FRMD5: variants seen among roughly 807,000 people sequenced by gnomAD.
The protein encoded by FRMD5 is FERM domain containing 5, also known as FERM domain-containing protein 5.
FRMD5 carries 20 observed loss-of-function variants against 69.0 expected under a neutral mutation model. That is an observed-to-expected ratio of 0.29 (90% CI 0.20 to 0.42). FRMD5 has a LOEUF of 0.42. Among genes scored for constraint, FRMD5 ranks in the 10% least tolerant of loss-of-function variants. The pLI, the probability that FRMD5 is intolerant of heterozygous loss-of-function variation, is 1.00. For synonymous variants in FRMD5, 271 were observed against 260.1 expected (o/e 1.04, Z -0.40); for missense variants, 595 against 708.6 (o/e 0.84, Z 1.82).
At chr15:43,893,048 G>A (rs547023616) in intron 7 of FRMD5, among the ~76,000 whole-genome samples, 1 of 150,950 alleles carries the variant, frequency 6.6e-6, no homozygotes, top group African/African-American at 2.4e-5. Context: ...AGGTTGCAGT[G>A]AGCCAAGATT....
intron 7 of FRMD5, among the ~76,000 whole-genome samples, chr15:43,895,641 G>C (rs1325794754): frequency 6.6e-6 from 1 of 152,248 alleles, no homozygotes; most frequent in South Asian, 2.1e-4. Context: ...CATATGAAGA[G>C]AGCAGTTCTC....
chr15:43,948,175 G>A (rs1048903048), intron 1 of FRMD5, among the ~76,000 whole-genome samples: 1 of 152,232 alleles, frequency 6.6e-6, no homozygotes, highest in African/African-American at 2.4e-5. Flanking sequence ...TTGAACCCAA[G>A]CAGTTTAATT....
At chr15:43,955,026 A>AG (rs2047604168) in intron 1 of FRMD5, among the ~76,000 whole-genome samples, 2 of 152,202 alleles carry the variant, frequency 1.3e-5, no homozygotes, top group African/African-American at 4.8e-5. Flanking sequence ...GGAACACAGG[A>AG]GAAAAAAATG....
intron 1 of FRMD5, among the ~76,000 whole-genome samples, chr15:44,162,950 G>A (rs940508372): frequency 6.6e-6 from 1 of 150,812 alleles, no homozygotes; most frequent in Non-Finnish European, 1.5e-5. Flanking sequence ...CAAGACGGTC[G>A]GATCACGAGA....
chr15:44,099,551 G>A (rs2076606364), intron 1 of FRMD5, among the ~76,000 whole-genome samples: 1 of 152,164 alleles, frequency 6.6e-6, no homozygotes, highest in Admixed American at 6.5e-5. Flanking sequence ...AGAATGGAAG[G>A]AAGAAGTGAA....
At chr15:44,090,176 G>C (rs545448975) in intron 1 of FRMD5, among the ~76,000 whole-genome samples, 1 of 152,088 alleles carries the variant, frequency 6.6e-6, no homozygotes, top group East Asian at 1.9e-4. Flanking sequence ...GACACACCAG[G>C]GTACAATTTT....
At chr15:43,960,807 C>A (rs2090186571) in intron 1 of FRMD5, among the ~76,000 whole-genome samples, 1 of 151,978 alleles carries the variant, frequency 6.6e-6, no homozygotes, top group Non-Finnish European at 1.5e-5. Flanking sequence ...AGTAGAAAAA[C>A]AAATGTAATT....
At chr15:44,068,131 T>A (rs555320052) in intron 1 of FRMD5, among the ~76,000 whole-genome samples, 1 of 152,250 alleles carries the variant, frequency 6.6e-6, no homozygotes, top group Non-Finnish European at 1.5e-5. Flanking sequence ...AACTCTCACA[T>A]ATTGCTGGTG....
At chr15:43,879,375 C>G (rs1028830865) in intron 13 of FRMD5, 1 of 397,410 alleles carries the variant, frequency 2.5e-6, no homozygotes, top group Non-Finnish European at 4.4e-6. Flanking sequence ...ACTGTTTTCA[C>G]TGCTGTAAAA....
chr15:43,879,773 A>C, intron 13 of FRMD5: 1 of 397,926 alleles, frequency 2.5e-6, no homozygotes, highest in Non-Finnish European at 4.4e-6. Flanking sequence ...ATGGAAAGCC[A>C]ACTAGGAACA....
At chr15:43,907,928 A>T (rs1483662536) in intron 5 of FRMD5, among the ~76,000 whole-genome samples, 1 of 152,200 alleles carries the variant, frequency 6.6e-6, no homozygotes, top group African/African-American at 2.4e-5. Context: ...GTTGTGAGCC[A>T]CTGTGCCTGG....
At chr15:43,881,795 T>C (rs2088537208) in intron 13 of FRMD5, among the ~76,000 whole-genome samples, 4 of 152,172 alleles carry the variant, frequency 2.6e-5, no homozygotes, top group Admixed American at 2.6e-4. Flanking sequence ...CTCTAGACCA[T>C]AGGGAGTTAC....
chr15:43,903,302 C>G (rs2089091627), intron 6 of FRMD5, among the ~76,000 whole-genome samples: 1 of 152,212 alleles, frequency 6.6e-6, no homozygotes, highest in Non-Finnish European at 1.5e-5. Flanking sequence ...TTGCTCGTTT[C>G]TAAGCTTATC....
chr15:43,982,885 G>GA (rs1421159343), intron 1 of FRMD5, among the ~76,000 whole-genome samples: 1 of 152,134 alleles, frequency 6.6e-6, no homozygotes, highest in African/African-American at 2.4e-5. Flanking sequence ...CAGTTGGAAA[G>GA]AAAAAACTAG....
At chr15:44,071,446 A>C (rs1341700887) in intron 1 of FRMD5, among the ~76,000 whole-genome samples, 1 of 152,102 alleles carries the variant, frequency 6.6e-6, no homozygotes, top group African/African-American at 2.4e-5. Flanking sequence ...AAACAAAACA[A>C]AACAAAACAA....
intron 13 of FRMD5, chr15:43,875,817 T>TTTTTTTTC (rs2140333914): frequency 2.6e-6 from 1 of 377,432 alleles, no homozygotes; most frequent in Admixed American, 4.4e-5. Context: ...TTTTTTTTTT[T>TTTTTTTTC]TTTTTTTTTT....
At chr15:44,175,482 C>G (rs1231257099) in intron 1 of FRMD5, among the ~76,000 whole-genome samples, 1 of 152,098 alleles carries the variant, frequency 6.6e-6, no homozygotes, top group Non-Finnish European at 1.5e-5. Flanking sequence ...GGTAAGGACA[C>G]AAAGTATCTA....
chr15:43,932,266 A>G (rs1040212774), intron 1 of FRMD5, among the ~76,000 whole-genome samples: 2 of 152,326 alleles, frequency 1.3e-5, no homozygotes, highest in East Asian at 3.9e-4. Flanking sequence ...AGAATGCATG[A>G]ATGGATCTTG....
chr15:43,979,657 T>C (rs2090518479), intron 1 of FRMD5, among the ~76,000 whole-genome samples: 1 of 152,256 alleles, frequency 6.6e-6, no homozygotes, highest in African/African-American at 2.4e-5. Context: ...GGATGATTTC[T>C]TTCTCTCCAG....
Sources: gnomAD v4.1 joint callset for allele counts (sites outside exome capture counted in the v4.1 genomes callset) on GRCh38, gnomAD v4.1.1 for gene constraint, MANE v1.5 for transcripts, NCBI Gene and HGNC (gene_info 2026-07-23, HGNC 2026-07-21) for gene names.